The following BTG4 variants were observed in gnomAD, a reference collection of about 807,000 sequenced individuals.
The protein encoded by BTG4 is protein BTG4.
A neutral mutation model predicts 19.3 loss-of-function variants in BTG4; 10 were observed. The ratio of observed to expected loss-of-function variants is 0.52; its 90% CI spans 0.32 to 0.88. BTG4 has a LOEUF of 0.88. Ranked by LOEUF, BTG4 falls within the 40% of genes least tolerant of loss-of-function variation. The pLI, the probability that BTG4 is intolerant of heterozygous loss-of-function variation, is 0.04. For missense variants in BTG4, 238 were observed against 281.9 expected (o/e 0.84, Z 1.11); for synonymous variants, 91 against 95.7 (o/e 0.95, Z 0.29).
upstream of BTG4, among the ~76,000 whole-genome samples, chr11:111,513,718 C>A (rs1867109987): frequency 6.6e-6 from 1 of 151,964 alleles, no homozygotes. Context: ...TTCCTTCAGG[C>A]TCTTAACCAA....
chr11:111,491,366 G>A (rs1865404077), downstream of BTG4, among the ~76,000 whole-genome samples: 1 of 152,064 alleles, frequency 6.6e-6, no homozygotes, highest in South Asian at 2.1e-4. Flanking sequence ...GTTACCAAGG[G>A]GGAAAACTAG....
chr11:111,452,593 G>A, the BTG4 span: 3 of 152,334 alleles, frequency 2.0e-5, no homozygotes, highest in Non-Finnish European at 2.9e-5. Context: ...CCAGACAAGC[G>A]ACATCTTAAC....
chr11:111,438,179 C>G, the BTG4 span, among the ~76,000 whole-genome samples: 3 of 152,342 alleles, frequency 2.0e-5, no homozygotes, highest in African/African-American at 7.2e-5. Flanking sequence ...TCTGGTGTCA[C>G]CCTGATGGCA....
the BTG4 span, among the ~76,000 whole-genome samples, chr11:111,443,461 T>A: frequency 1.3e-5 from 2 of 152,198 alleles, 1 homozygote. Context: ...AAGCTGGGTG[T>A]GAGGTATATG....
At chr11:111,512,854 C>T (rs935210594), upstream of BTG4, 1 of 395,724 alleles carries the variant, frequency 2.5e-6, no homozygotes, top group Non-Finnish European at 5.1e-6. Context: ...GGTAGGGCGT[C>T]CCCCGGTGAA....
the BTG4 span, among the ~76,000 whole-genome samples, chr11:111,454,570 G>A: frequency 6.6e-6 from 1 of 152,140 alleles, no homozygotes; most frequent in Admixed American, 6.5e-5. Flanking sequence ...TGAAACCTAG[G>A]GCTTCGGACC....
chr11:111,428,974 A>G, the BTG4 span, among the ~76,000 whole-genome samples: 1 of 152,342 alleles, frequency 6.6e-6, no homozygotes, highest in South Asian at 2.1e-4. Flanking sequence ...GTATGTTCCA[A>G]ACATCGTTCT....
At chr11:111,432,292 G>C in the BTG4 span, among the ~76,000 whole-genome samples, 1 of 152,186 alleles carries the variant, frequency 6.6e-6, no homozygotes, top group African/African-American at 2.4e-5. Flanking sequence ...CATGGGCTAT[G>C]GGTACCAAAC....
At chr11:111,465,241 G>A (rs1372665604), downstream of BTG4, among the ~76,000 whole-genome samples, 1 of 152,172 alleles carries the variant, frequency 6.6e-6, no homozygotes, top group Non-Finnish European at 1.5e-5. Context: ...AGACCACAGT[G>A]CAGGGCTCCA....
the BTG4 span, among the ~76,000 whole-genome samples, chr11:111,444,439 C>T: frequency 6.6e-6 from 1 of 151,844 alleles, no homozygotes; most frequent in Non-Finnish European, 1.5e-5. Context: ...AGGATGGTTA[C>T]CCGATGCTGG....
At chr11:111,476,731 G>A (rs1047596631) in intron 5 of BTG4, among the ~76,000 whole-genome samples, 2 of 152,132 alleles carry the variant, frequency 1.3e-5, no homozygotes, top group Non-Finnish European at 2.9e-5. Flanking sequence ...TTGCCCATAA[G>A]ACGGGCTATG....
At chr11:111,395,555 A>T in the BTG4 span, among the ~76,000 whole-genome samples, 1 of 152,360 alleles carries the variant, frequency 6.6e-6, no homozygotes, top group African/African-American at 2.4e-5. Context: ...GGACCAAAAG[A>T]GTATGTTATG....
downstream of BTG4, among the ~76,000 whole-genome samples, chr11:111,489,847 A>T (rs75827592): frequency 0.01 from 1,532 of 152,208 alleles, 29 homozygotes; most frequent in African/African-American, 0.035. Flanking sequence ...AGAAGCCGGG[A>T]AGGGTAGCAG....
the BTG4 span, among the ~76,000 whole-genome samples, chr11:111,387,559 CTCTT>C: frequency 2.6e-5 from 4 of 152,210 alleles, no homozygotes; most frequent in Non-Finnish European, 5.9e-5. Context: ...GTGCCCAACT[CTCTT>C]TATGACCATT....
chr11:111,467,602 G>T, exon 6 of BTG4: 1 of 717,074 alleles, frequency 1.4e-6, no homozygotes. Context: ...TCCTGCCATG[G>T]AAGCCCAAGG....
rs12290174 is a variant in BTG4 at position 111,477,516 on chromosome 11, G to A, written c.663-9835C>T. ...AGAATTCTATCTTTGAGGAAGATGG[G>A]ATAGGTGTTTTTTCTGTACTCCTCC... On this transcript the variant is annotated intron_variant, in intron 5 of 5. Transcript: ENST00000356018. 2.7e-3 allele frequency among the ~76,000 whole-genome samples: 407 copies of A among 152,214 alleles called. 3 individuals carry two copies. Among genetic ancestry groups the A allele is most frequent in the African/African-American group, 9.3e-3 (386 of 41,540 alleles).
chr11:111,492,975 G>A (rs765283948), downstream of BTG4, among the ~76,000 whole-genome samples: 9 of 152,118 alleles, frequency 5.9e-5, no homozygotes, highest in East Asian at 1.9e-4. Context: ...GTGAAATGCC[G>A]TCTGTACTAA....
At chr11:111,423,615 A>C in the BTG4 span, among the ~76,000 whole-genome samples, 1 of 152,236 alleles carries the variant, frequency 6.6e-6, no homozygotes, top group Non-Finnish European at 1.5e-5. Context: ...CAAGCTGACA[A>C]CTTCCAAAGG....
downstream of BTG4, among the ~76,000 whole-genome samples, chr11:111,494,173 T>C (rs1437190164): frequency 2.0e-5 from 3 of 151,934 alleles, no homozygotes; most frequent in Non-Finnish European, 4.4e-5. Flanking sequence ...AGTTTTGAAG[T>C]AGGAGAAAAC....
Sources: allele counts gnomAD v4.1 joint callset (sites outside exome capture counted in the v4.1 genomes callset), GRCh38; gene constraint gnomAD v4.1.1; transcripts MANE v1.5; gene names NCBI Gene and HGNC (gene_info 2026-07-23, HGNC 2026-07-21).